The following PTRH1 variants were observed in gnomAD, a reference collection of about 807,000 sequenced individuals.
The protein encoded by PTRH1 is peptidyl-tRNA hydrolase.
In PTRH1, 13 loss-of-function variants were observed where a neutral mutation model predicts 15.7. The ratio of observed to expected loss-of-function variants is 0.83; its 90% confidence interval spans 0.54 to 1.31. PTRH1 has a LOEUF of 1.31. Among genes scored for constraint, PTRH1 ranks in the 40% most tolerant of loss-of-function variants. The probability of loss-of-function intolerance (pLI) is 0.00; values close to 1 mark genes in which losing one functional copy is unlikely to be tolerated. For missense variants in PTRH1, 319 were observed against 296.2 expected (o/e 1.08, Z -0.56); for synonymous variants, 139 against 136.7 (o/e 1.02, Z -0.12).
chr9:127,714,422 C>A lies in PTRH1; in HGVS notation c.419G>T (p.Gly140Val), dbSNP rs143416207. 2.8e-5 allele frequency: 46 copies of A among 1,614,048 alleles called. No homozygotes were observed. The African/African-American group carries it at 5.6e-4, about 20-fold the overall frequency. Residue 140 changes from glycine to valine, a missense_variant and splice_region_variant, in exon 4 of 5, where the codon GGC becomes GTC. Gly to Val is a moderately radical substitution (Grantham distance 109). Coordinates refer to ENST00000543175, the MANE Select transcript of PTRH1 (RefSeq NM_001002913.3). The stretch of plus-strand genomic sequence containing the variant: ...AATGCAGGAACGGACTCCATTGTGG[C>A]CCCTTCAAGGGATATGGGAGGGGCA... The part of the protein sequence containing the change: ...LALKLGGSAR[G>V]HNGVRSCISC...
At chr9:127,706,764 G>A (rs867752506) in intron 1 of PTRH1, among the ~76,000 whole-genome samples, 4 of 152,216 alleles carry the variant, frequency 2.6e-5, no homozygotes, top group South Asian at 2.1e-4. Flanking sequence ...TTATTTCCAC[G>A]TGGGAGAAAG....
downstream of PTRH1, chr9:127,711,914 G>A: frequency 1.9e-6 from 3 of 1,605,100 alleles, no homozygotes; most frequent in Non-Finnish European, 2.5e-6. Context: ...TTGGAGCAGA[G>A]ATCCCTGCAG....
chr9:127,696,704 A>T (rs1336980945), intron 1 of PTRH1, among the ~76,000 whole-genome samples: 6 of 151,820 alleles, frequency 4.0e-5, no homozygotes, highest in Non-Finnish European at 5.9e-5. Context: ...TACTAAAAAT[A>T]AAAAAAAATT....
chr9:127,714,098 T>C lies in PTRH1; in HGVS notation c.*2A>G, dbSNP rs1229327240. The C allele has an allele frequency of 1.1e-5, 18 of 1,611,828 alleles. No homozygotes were observed. The highest frequency in any genetic ancestry group is 1.5e-5 in the Non-Finnish European group (18 of 1,179,240). On this transcript the variant is annotated 3_prime_UTR_variant, in exon 5 of 5. Transcript: ENST00000543175. ...TCAGGCAGGCAGCCATGGCCACTAGTGTCACGGCCCCAGTGAGGGCCCCTG... is the reference window on the plus strand; with the variant it reads ...TCAGGCAGGCAGCCATGGCCACTAGCGTCACGGCCCCAGTGAGGGCCCCTG...
chr9:127,695,731 AAC>A (rs994218681), intron 1 of PTRH1: 7 of 152,296 alleles, frequency 4.6e-5, no homozygotes, highest in South Asian at 2.1e-4. Flanking sequence ...CTTCTTTTAA[AAC>A]AGTTTCTTTT....
Position 127,713,851 on chromosome 9 carries a change from T to A in PTRH1, c.*249A>T, listed in dbSNP as rs1369727555. ...TCTTACAGATGCGTGCCCCTGGTTC[T>A]CTAAAAAGGCTTGAAAAGTTTAGTC... On this transcript the variant is annotated 3_prime_UTR_variant, in exon 5 of 5. Coordinates refer to ENST00000543175, the MANE Select transcript of PTRH1 (RefSeq NM_001002913.3). The A allele has an allele frequency of 6.2e-7, 1 of 1,613,882 alleles. No homozygotes were observed. Among genetic ancestry groups the A allele is most frequent in the Non-Finnish European group, 8.5e-7 (1 of 1,179,984 alleles).
rs555891378 is a variant in PTRH1, at chr9:127,706,949, G to A, written c.205+8486C>T. On this transcript the variant is annotated intron_variant, in intron 1 of 2. Transcript: ENST00000335223. ...CCTTTAAGCCCAGCCTCACTCCCTCGGCCTGTTGCTATGTACGGGACCAGC... is the reference window on the plus strand; with the variant it reads ...CCTTTAAGCCCAGCCTCACTCCCTCAGCCTGTTGCTATGTACGGGACCAGC... The A allele has an allele frequency of 5.6e-5, 85 of 1,522,116 alleles. 1 individual carries two copies. The South Asian group carries it at 8.7e-4, about 16-fold the overall frequency. The allele number at this position is 1,522,116 out of a possible 1,614,324, so 94.3% of individuals were successfully genotyped here.
chr9:127,706,008 C>A (rs1188809252), intron 1 of PTRH1, among the ~76,000 whole-genome samples: 1 of 152,230 alleles, frequency 6.6e-6, no homozygotes, highest in Non-Finnish European at 1.5e-5. Flanking sequence ...ACAAAGTGGG[C>A]GGGAGCTTCA....
chr9:127,711,000 T>C (rs759512726), downstream of PTRH1, among the ~76,000 whole-genome samples: 21 of 152,184 alleles, frequency 1.4e-4, no homozygotes, highest in Non-Finnish European at 2.4e-4. Flanking sequence ...TTGCCACTTA[T>C]TGGGATTAAA....
chr9:127,713,028 G>A, downstream of PTRH1: 1 of 1,613,210 alleles, frequency 6.2e-7, no homozygotes, highest in Non-Finnish European at 8.5e-7. Flanking sequence ...AGCCGGCCCA[G>A]CATCCAGCTG....
chr9:127,710,749 G>A (rs1462134975), downstream of PTRH1: 1 of 1,564,344 alleles, frequency 6.4e-7, no homozygotes, highest in Non-Finnish European at 8.7e-7. Context: ...TGCTGGACAA[G>A]GACAGGTGGG....
chr9:127,700,385 T>C (rs1469148539), intron 1 of PTRH1, among the ~76,000 whole-genome samples: 6 of 152,184 alleles, frequency 3.9e-5, no homozygotes, highest in Non-Finnish European at 8.8e-5. Context: ...CTCCTCCTTG[T>C]GCTTTTGGAG....
intron 1 of PTRH1, among the ~76,000 whole-genome samples, chr9:127,697,571 G>T (rs1259649332): frequency 6.6e-6 from 1 of 152,206 alleles, no homozygotes; most frequent in African/African-American, 2.4e-5. Context: ...TGAGGCAGGA[G>T]AATCACTTGA....
intron 1 of PTRH1, among the ~76,000 whole-genome samples, chr9:127,703,574 A>C (rs1370669664): frequency 6.6e-6 from 1 of 152,192 alleles, no homozygotes; most frequent in East Asian, 1.9e-4. Context: ...GGATTTTTTG[A>C]AGCTGTGACA....
chr9:127,705,343 G>A lies in PTRH1; in HGVS notation c.205+10092C>T, dbSNP rs1264313152. On this transcript the variant is annotated intron_variant, in intron 1 of 2. Coordinates refer to the PTRH1 transcript ENST00000335223. This position sits in a 1 kb window ranked among gnomAD's most constrained non-coding sequence, Gnocchi z 4.7. ...CCCCCATGGCAAGTAGCGGCCTATG[G>A]TCCAAAGTAGGGAGCTTTGGGGAGA... Among the ~76,000 whole-genome samples the A allele has an allele frequency of 6.6e-6, 1 of 152,222 alleles. No homozygotes were observed. Among genetic ancestry groups the A allele is most frequent in the Non-Finnish European group, 1.5e-5 (1 of 68,044 alleles).
chr9:127,704,294 C>CAGG (rs1218058558), intron 1 of PTRH1, among the ~76,000 whole-genome samples: 2 of 151,968 alleles, frequency 1.3e-5, no homozygotes, highest in African/African-American at 4.8e-5. Flanking sequence ...CACTTGAGAT[C>CAGG]AGGAGTTTGA....
downstream of PTRH1, chr9:127,710,511 A>G (rs142899465): frequency 3.8e-4 from 554 of 1,468,044 alleles, 4 homozygotes; most frequent in African/African-American, 6.8e-3. Context: ...ACAGGAAGGG[A>G]CAGGGACCTA....
downstream of PTRH1, chr9:127,709,323 C>CA: frequency 7.7e-7 from 1 of 1,292,140 alleles, no homozygotes; most frequent in East Asian, 2.5e-5. The surrounding 1 kb of genome is among the most constrained non-coding windows in gnomAD (Gnocchi z 4.7). Context: ...CTCAAATGCC[C>CA]CTTTACGGGA....
rs1284529786 is a variant in PTRH1 at position 127,714,969 on chromosome 9, A to G, written c.316+6T>C. ...CGCCCGCCCACCCCTGGCGCTCTCA[A>G]CTCACCAGCCCGGGCCACGCTGCGC... On this transcript the variant is annotated splice_donor_region_variant and intron_variant, in intron 2 of 4. Coordinates refer to ENST00000543175, the MANE Select transcript of PTRH1 (RefSeq NM_001002913.3). 2.9e-6 allele frequency: 2 copies of G among 678,554 alleles called. No individual in the cohort carries two copies. Among genetic ancestry groups the G allele is most frequent in the Non-Finnish European group, 3.8e-6 (2 of 530,342 alleles). The allele number at this position is 678,554 out of a possible 1,614,324, so 42.0% of individuals were successfully genotyped here.
Sources: gnomAD v4.1 joint callset for allele counts (sites outside exome capture counted in the v4.1 genomes callset) on GRCh38, gnomAD v4.1.1 for gene constraint, Gnocchi (gnomAD v3.1) non-coding constraint, MANE v1.5 for transcripts, NCBI Gene and HGNC (gene_info 2026-07-23, HGNC 2026-07-21) for gene names.